CLEC4F: variants seen among roughly 807,000 people sequenced by gnomAD.
CLEC4F encodes the protein C-type lectin domain family 4 member F.
Under a neutral mutation model 53.4 loss-of-function variants are expected in CLEC4F, and 45 were observed. The ratio of observed to expected loss-of-function variants is 0.84; its 90% confidence interval spans 0.66 to 1.08. CLEC4F has a LOEUF of 1.08. CLEC4F is among the 50% of genes least tolerant of loss of function. The pLI, the probability that CLEC4F is intolerant of heterozygous loss-of-function variation, is 0.00. For missense variants in CLEC4F, 753 were observed against 698.2 expected (o/e 1.08, Z -0.88); for synonymous variants, 245 against 257.5 (o/e 0.95, Z 0.46).
At chr2:70,815,938 T>C in intron 4 of CLEC4F, 56 bp downstream of exon 4, 1 of 1,532,034 alleles carries the variant, frequency 6.5e-7, no homozygotes, top group Non-Finnish European at 8.8e-7. Context: ...GATGGAAGAC[T>C]CTACCCTCTC....
chr2:70,820,611 T>C, upstream of CLEC4F: 1 of 1,305,630 alleles, frequency 7.7e-7, no homozygotes, highest in Admixed American at 2.1e-5. Flanking sequence ...GAAGCAAAGC[T>C]GAGACACCCA....
Position 70,816,778 on chromosome 2 carries a change from T to A in CLEC4F, c.603A>T (p.Leu201Phe). Residue 201 changes from leucine (L) to phenylalanine (F), a missense_variant, in exon 4 of 7, where the codon TTA (leucine) becomes TTT (phenylalanine). Leu to Phe is a conservative substitution (Grantham distance 22). Coordinates refer to ENST00000272367, the MANE Select transcript of CLEC4F (RefSeq NM_173535.3). ...TGCTGGTGTTTTCTAAACTGCTTTTTAAGAAATTCAGCGTCTGGAAAGTTA... is the reference window on the plus strand; with the variant it reads ...TGCTGGTGTTTTCTAAACTGCTTTTAAAGAAATTCAGCGTCTGGAAAGTTA... ...DALTFQTLNFLKSSLENTSIE... is the reference protein window; with the variant it reads ...DALTFQTLNFFKSSLENTSIE... 1.2e-6 allele frequency: 2 copies of A among 1,614,160 alleles called. No homozygotes were observed. Among genetic ancestry groups the A allele is most frequent in the Non-Finnish European group, 8.5e-7 (1 of 1,180,036 alleles).
chr2:70,812,440 C>G lies in CLEC4F; in HGVS notation c.1539+7G>C, dbSNP rs1263811280. The G allele has an allele frequency of 1.9e-6, 3 of 1,613,674 alleles. No homozygotes were observed. Among genetic ancestry groups the G allele is most frequent in the Non-Finnish European group, 2.5e-6 (3 of 1,179,954 alleles). On this transcript the variant is annotated splice_region_variant and intron_variant, in intron 5 of 6. Coordinates refer to ENST00000272367, the MANE Select transcript of CLEC4F (RefSeq NM_173535.3). Reference sequence around the variant, plus strand: ...CACCAACAACACCCCATGCTCGCAGCTCTGACCTGCTCCTCCTTGGAGGCC... The same window carrying G: ...CACCAACAACACCCCATGCTCGCAGGTCTGACCTGCTCCTCCTTGGAGGCC...
At position 70,817,280 on chromosome 2, in the gene CLEC4F, C is replaced by T. The variant is rs547854083; in HGVS notation, c.269-168G>A. On this transcript the variant is annotated intron_variant, in intron 3 of 6. Coordinates refer to ENST00000272367, the MANE Select transcript of CLEC4F (RefSeq NM_173535.3). ...CACACAGCCACCCAGACCCTGGGGA[C>T]GGTCCACCTGAGAATGTGGGCCAAG... Among the ~76,000 whole-genome samples the T allele has an allele frequency of 9.2e-5, 14 of 152,286 alleles. No homozygotes were observed. The South Asian group carries it at 2.3e-3, about 25-fold the overall frequency.
Position 70,819,852 on chromosome 2 carries a change from A to G in CLEC4F, c.101T>C (p.Ile34Thr). The change falls in exon 2 of 7, where the codon ATA becomes ACA. Residue 34 changes from isoleucine to threonine, a missense_variant. By Grantham distance (89) the Ile-to-Thr change is moderately conservative. Coordinates refer to ENST00000272367, the MANE Select transcript of CLEC4F (RefSeq NM_173535.3). ...CGGGGTAGCCTGAACGAGCCTCGGT[A>G]TCTTGGGGGCTGCAGGAGCCATTGC... ...SVAMAPAAPK[I>T]PRLVQATPAF... 1 of 1,607,620 alleles carries G rather than the reference A, an allele frequency of 6.2e-7. No individual in the cohort carries two copies. The highest frequency in any genetic ancestry group is 8.5e-7 in the Non-Finnish European group (1 of 1,177,214).
Position 70,816,344 on chromosome 2 carries a change from TG to T in CLEC4F, c.1036del (p.Gln346LysfsTer24), listed in dbSNP as rs782251725. On this transcript the variant is annotated frameshift_variant, in exon 4 of 7. Transcript: ENST00000272367. LOFTEE classifies it high-confidence loss of function. ...CTGGTCCAGACGGCCATTTGCTTTT[TG>T]GGTCTGGGCTGTGACCATTTTCAAA... ...RDLKMVTAQT[Q>X]KANGRLDQTD... 2 of 1,614,080 alleles carry T rather than the reference TG, an allele frequency of 1.2e-6. No individual in the cohort carries two copies. Among genetic ancestry groups the T allele is most frequent in the African/African-American group, 2.7e-5 (2 of 74,944 alleles).
At chr2:70,820,718 A>T (rs1197531960), upstream of CLEC4F, 2 of 543,452 alleles carry the variant, frequency 3.7e-6, no homozygotes, top group Non-Finnish European at 6.5e-6. Flanking sequence ...AGAGGCTCCC[A>T]GATACCCATC....
At position 70,809,804 on chromosome 2, in the gene CLEC4F, G is replaced by A; in HGVS notation, c.1593C>T (p.Asp531=). The A allele has an allele frequency of 1.2e-6, 2 of 1,614,196 alleles. No homozygotes were observed. The highest frequency in any genetic ancestry group is 2.2e-5 in the East Asian group (1 of 44,888). The change falls in exon 6 of 7, where the codon GAC becomes GAT. Residue 531 remains aspartate (D), a synonymous_variant. Coordinates refer to ENST00000272367, the MANE Select transcript of CLEC4F (RefSeq NM_173535.3). ...AGCGCCAGGAGCCCTCTGTGCCCCT[G>A]TCAGTGAGACCGATCCAGTAGTACA... ...SKVYYWIGLT[D]RGTEGSWRWT... is the part of the protein sequence containing the mutation.
At chr2:70,813,765 C>T (rs1553395079) in intron 4 of CLEC4F, among the ~76,000 whole-genome samples, 2 of 151,958 alleles carry the variant, frequency 1.3e-5, no homozygotes, top group Non-Finnish European at 1.5e-5. Context: ...GCAACCTCTA[C>T]CTCCCGGGTT....
chr2:70,815,926 G>A, intron 4 of CLEC4F, 68 bp downstream of exon 4: 1 of 1,479,378 alleles, frequency 6.8e-7, no homozygotes, highest in South Asian at 1.3e-5. Context: ...AGAGGCTGAT[G>A]AGATGGAAGA....
chr2:70,814,771 C>A (rs1676802939), intron 4 of CLEC4F, among the ~76,000 whole-genome samples: 1 of 151,090 alleles, frequency 6.6e-6, no homozygotes, highest in Admixed American at 6.6e-5. Context: ...GCTAATAGTT[C>A]TCAGCCCAGA....
At chr2:70,813,523 CTTTCTTTCTTTCTTTT>C (rs1303624858) in intron 4 of CLEC4F, among the ~76,000 whole-genome samples, 11 of 150,136 alleles carry the variant, frequency 7.3e-5, no homozygotes, top group Admixed American at 2.0e-4. Flanking sequence ...TTCTTTCTTT[CTTTCTTTCTTTCTTTT>C]TTTCTTTCTT....
chr2:70,818,573 T>C (rs781417592), intron 3 of CLEC4F, among the ~76,000 whole-genome samples: 2 of 151,388 alleles, frequency 1.3e-5, no homozygotes, highest in Non-Finnish European at 2.9e-5. Context: ...TAGCCAGGCG[T>C]GGTGGCGGGC....
At position 70,809,044 on chromosome 2, in the gene CLEC4F, T is replaced by C. The variant is rs1284545161; in HGVS notation, c.*227A>G. On this transcript the variant is annotated 3_prime_UTR_variant, in exon 7 of 7. Transcript: ENST00000272367. ...ACAGTCTTCAGTCTGCCCATTCTTG[T>C]GCCGCCAGTTGTCAGACTGATTCTT... The C allele has an allele frequency of 6.6e-7, 1 of 1,512,108 alleles. No homozygotes were observed. Among genetic ancestry groups the C allele is most frequent in the Admixed American group, 2.0e-5 (1 of 50,130 alleles). The allele number at this position is 1,512,108 out of a possible 1,614,324, so 93.7% of individuals were successfully genotyped here. A position where few individuals can be genotyped will look rare whatever the true frequency, so the allele number is the denominator to read the frequency against.
In CLEC4F at chr2:70,817,080, G is replaced by A. The variant is rs546185298; in HGVS notation, c.301C>T (p.Arg101Ter). The change falls in exon 4 of 7, where the codon CGA (arginine) becomes TGA (stop). Residue 101 changes from arginine to a stop codon, truncating the protein, a stop_gained. Transcript: ENST00000272367. LOFTEE classifies it high-confidence loss of function. ...CCTTTAAATGTCTGGATAAGCTCTC[G>A]CATTTCTGCCTCCCTGCCAAAGTGG... ...HHHFGREAEM[R>*]ELIQTFKGHM... The A allele has an allele frequency of 1.7e-5, 27 of 1,610,930 alleles. No individual in the cohort carries two copies. In the East Asian group the frequency reaches 1.8e-4, roughly 11 times the overall value.
At chr2:70,819,226 ATC>A (rs1225482423) in intron 3 of CLEC4F, 127 bp downstream of exon 3, 1 of 694,062 alleles carries the variant, frequency 1.4e-6, no homozygotes, top group Non-Finnish European at 2.5e-6. Context: ...TTAAAAAATT[ATC>A]TCTTTCTGTG....
intron 3 of CLEC4F, among the ~76,000 whole-genome samples, chr2:70,818,282 T>C (rs906555348): frequency 3.3e-5 from 5 of 152,132 alleles, no homozygotes; most frequent in Non-Finnish European, 7.4e-5. Flanking sequence ...CCCACACATA[T>C]GGACAATCGA....
At chr2:70,813,494 T>TTC (rs1553394819) in intron 4 of CLEC4F, among the ~76,000 whole-genome samples, 3 of 141,372 alleles carry the variant, frequency 2.1e-5, no homozygotes, top group African/African-American at 8.4e-5. Flanking sequence ...CTTTCTTTCT[T>TTC]TTTCTTTCTT....
At chr2:70,811,400 C>A in intron 5 of CLEC4F, 2 of 701,092 alleles carry the variant, frequency 2.9e-6, no homozygotes, top group South Asian at 2.7e-5. Flanking sequence ...ATTCATCAGG[C>A]CAATTATAGA....
Sources: gnomAD v4.1 joint callset for allele counts (sites outside exome capture counted in the v4.1 genomes callset) on GRCh38, gnomAD v4.1.1 for gene constraint, MANE v1.5 for transcripts, NCBI Gene and HGNC (gene_info 2026-07-23, HGNC 2026-07-21) for gene names.